TTC39C: variants seen among roughly 807,000 people sequenced by gnomAD.
TTC39C encodes the protein tetratricopeptide repeat protein 39C.
Under a neutral mutation model 76.3 loss-of-function variants are expected in TTC39C, and 33 were observed. The ratio of observed to expected loss-of-function variants is 0.43; its 90% CI spans 0.33 to 0.58. The LOEUF (loss-of-function observed/expected upper bound fraction) is 0.58, where lower values mean the gene tolerates loss of function less well. TTC39C is among the 20% of genes least tolerant of loss of function. The probability of loss-of-function intolerance (pLI) is 0.04; values close to 1 mark genes in which losing one functional copy is unlikely to be tolerated. For missense variants in TTC39C, 595 were observed against 701.4 expected (o/e 0.85, Z 1.71); for synonymous variants, 254 against 260.6 (o/e 0.97, Z 0.24).
At chr18:24,015,944 A>G (rs1054927495) in intron 1 of TTC39C, among the ~76,000 whole-genome samples, 1 of 152,188 alleles carries the variant, frequency 6.6e-6, no homozygotes, top group Non-Finnish European at 1.5e-5. Flanking sequence ...AGCCTTAAGG[A>G]CGTTGATTAG....
intron 2 of TTC39C, among the ~76,000 whole-genome samples, 185 bp from the exon 3 acceptor site, chr18:24,065,827 T>C (rs986500876): frequency 6.6e-6 from 1 of 152,234 alleles, no homozygotes; most frequent in African/African-American, 2.4e-5. Context: ...GTGATAGAGG[T>C]ATAGTCTTAT....
At chr18:23,996,913 T>C (rs1281774982) in intron 1 of TTC39C, among the ~76,000 whole-genome samples, 1 of 151,240 alleles carries the variant, frequency 6.6e-6, no homozygotes, top group East Asian at 2.0e-4. Context: ...ATCGAAACTA[T>C]CCTGGCTAAC....
At chr18:24,107,597 C>G (rs2084761056) in intron 6 of TTC39C, among the ~76,000 whole-genome samples, 3 of 152,278 alleles carry the variant, frequency 2.0e-5, no homozygotes, top group African/African-American at 7.2e-5. Flanking sequence ...TCTTGCCTGC[C>G]ACCGTGTTAA....
At chr18:24,117,258 T>TTA (rs751856781) in intron 7 of TTC39C, among the ~76,000 whole-genome samples, 3 of 152,142 alleles carry the variant, frequency 2.0e-5, no homozygotes, top group Non-Finnish European at 2.9e-5. Flanking sequence ...ATAAAATCCT[T>TTA]TACATTTTAG....
chr18:24,131,873 T>A lies in TTC39C; in HGVS notation c.1624-9T>A, dbSNP rs150641446. 572 of 1,610,112 alleles carry A rather than the reference T, an allele frequency of 3.6e-4. 1 individual carries two copies. The African/African-American group carries it at 7.0e-3, about 20-fold the overall frequency. Reference sequence around the variant, plus strand: ...ACAGATTTTATGGGATAATGTGTTTTTCTTATAGACTGTAGGAAGAGGCAG... The same window carrying A: ...ACAGATTTTATGGGATAATGTGTTTATCTTATAGACTGTAGGAAGAGGCAG... On this transcript the variant is annotated splice_polypyrimidine_tract_variant and intron_variant, in intron 12 of 13. Transcript: ENST00000317571.
intron 1 of TTC39C, among the ~76,000 whole-genome samples, chr18:24,034,524 A>C (rs1599257688): frequency 6.6e-6 from 1 of 152,334 alleles, no homozygotes; most frequent in East Asian, 1.9e-4. Flanking sequence ...ATTCATTTTT[A>C]GATGTACGGT....
At position 24,114,650 on chromosome 18, in the gene TTC39C, A is replaced by T; in HGVS notation, c.1078+3A>T. The T allele has an allele frequency of 6.2e-7, 1 of 1,601,048 alleles. No homozygotes were observed. The highest frequency in any genetic ancestry group is 8.6e-7 in the Non-Finnish European group (1 of 1,168,502). On this transcript the variant is annotated splice_donor_region_variant and intron_variant, in intron 7 of 13. Transcript: ENST00000317571. ...ACATGTCTGTCTGTATGAAATTGGT[A>T]AATATGAAATGTCTGTCCAGCCTCT...
At chr18:24,110,091 G>A (rs568426214) in intron 6 of TTC39C, among the ~76,000 whole-genome samples, 24 of 152,256 alleles carry the variant, frequency 1.6e-4, no homozygotes, top group South Asian at 1.5e-3. Context: ...TTATGACCTA[G>A]TAGGACTTAT....
intron 1 of TTC39C, among the ~76,000 whole-genome samples, chr18:24,026,431 G>T (rs1314557291): frequency 6.6e-6 from 1 of 152,182 alleles, no homozygotes; most frequent in South Asian, 2.1e-4. Flanking sequence ...AAAATGTGAG[G>T]AAATAGGGTC....
At chr18:24,017,762 C>G (rs947134984) in intron 1 of TTC39C, among the ~76,000 whole-genome samples, 7 of 152,194 alleles carry the variant, frequency 4.6e-5, no homozygotes, top group African/African-American at 1.2e-4. Context: ...GCAAATTACC[C>G]TCTCTGTCTC....
chr18:24,015,272 C>T (rs2083440633), intron 1 of TTC39C: 2 of 401,838 alleles, frequency 5.0e-6, no homozygotes, highest in Non-Finnish European at 8.8e-6. Flanking sequence ...CCGCCGCGCG[C>T]CCGCCCCGCG....
intron 1 of TTC39C, among the ~76,000 whole-genome samples, chr18:23,998,126 A>G (rs1336612664): frequency 6.6e-6 from 1 of 152,174 alleles, no homozygotes; most frequent in African/African-American, 2.4e-5. Flanking sequence ...TGTTCTTATA[A>G]CAAGTTAGAG....
chr18:24,107,892 G>GGA (rs1054138325), intron 6 of TTC39C, among the ~76,000 whole-genome samples: 4 of 145,284 alleles, frequency 2.8e-5, no homozygotes, highest in South Asian at 2.2e-4. Context: ...CCAAGTAGGG[G>GGA]GGGGGGTACA....
intron 1 of TTC39C, among the ~76,000 whole-genome samples, chr18:24,048,710 A>G (rs956238345): frequency 2.0e-5 from 3 of 152,178 alleles, no homozygotes; most frequent in African/African-American, 7.2e-5. Flanking sequence ...TTAAAAAATT[A>G]TAAGTGCTAT....
intron 6 of TTC39C, among the ~76,000 whole-genome samples, chr18:24,107,286 AACACACAC>A (rs10609672): frequency 1.3e-5 from 2 of 150,646 alleles, no homozygotes; most frequent in African/African-American, 2.4e-5. Context: ...ATCCTTCTCT[AACACACAC>A]ACACACACAC....
At chr18:24,104,688 TTGTGTGTGTGTGTG>T (rs10661950) in intron 6 of TTC39C, among the ~76,000 whole-genome samples, 7 of 144,738 alleles carry the variant, frequency 4.8e-5, no homozygotes, top group African/African-American at 1.3e-4. Context: ...AGCAGGGTGT[TTGTGTGTGTGTGTG>T]TGTGTGTGTG....
At chr18:24,021,088 C>T (rs1301821544) in intron 1 of TTC39C, among the ~76,000 whole-genome samples, 1 of 152,034 alleles carries the variant, frequency 6.6e-6, no homozygotes, top group Non-Finnish European at 1.5e-5. Context: ...CCTATTTACC[C>T]AGCAGCAGCA....
chr18:24,084,241 T>C (rs1301120805), intron 6 of TTC39C, among the ~76,000 whole-genome samples: 2 of 152,166 alleles, frequency 1.3e-5, no homozygotes, highest in African/African-American at 4.8e-5. Context: ...CCCAGCACTT[T>C]GGGAGGCTGA....
intron 1 of TTC39C, among the ~76,000 whole-genome samples, chr18:24,034,682 CTA>C (rs2083712490): frequency 6.6e-6 from 1 of 152,134 alleles, no homozygotes; most frequent in Non-Finnish European, 1.5e-5. Context: ...CTTTCTGTCT[CTA>C]TGAGTTTGTT....
Sources: gnomAD v4.1 joint callset for allele counts (sites outside exome capture counted in the v4.1 genomes callset) on GRCh38, gnomAD v4.1.1 for gene constraint, MANE v1.5 for transcripts, NCBI Gene and HGNC (gene_info 2026-07-23, HGNC 2026-07-21) for gene names.